The following SLC24A2 variants were observed in gnomAD, a reference collection of about 807,000 sequenced individuals.
SLC24A2 encodes solute carrier family 24 member 2.
SLC24A2 carries 36 observed loss-of-function variants against 62.0 expected under a neutral mutation model. That is an observed-to-expected ratio of 0.58 (90% CI 0.44 to 0.77). SLC24A2 has a LOEUF of 0.77. Among genes scored for constraint, SLC24A2 ranks in the 30% least tolerant of loss-of-function variants. The pLI is 0.00. For synonymous variants in SLC24A2, 358 were observed against 294.0 expected (o/e 1.22, Z -2.23); for missense variants, 846 against 817.9 (o/e 1.03, Z -0.42).
At chr9:19,610,737 C>G (rs1201287415) in intron 4 of SLC24A2, among the ~76,000 whole-genome samples, 1 of 152,226 alleles carries the variant, frequency 6.6e-6, no homozygotes, top group Non-Finnish European at 1.5e-5. Flanking sequence ...AGAGAACCAT[C>G]AAGTAAATAG....
the SLC24A2 span, among the ~76,000 whole-genome samples, chr9:20,254,638 G>C: frequency 1.3e-5 from 2 of 152,260 alleles, no homozygotes; most frequent in South Asian, 2.1e-4. Flanking sequence ...CCTAGACTAA[G>C]TCCATAGTGA....
chr9:19,973,078 C>A, the SLC24A2 span, among the ~76,000 whole-genome samples: 2 of 152,182 alleles, frequency 1.3e-5, no homozygotes, highest in Non-Finnish European at 1.5e-5. Context: ...TGGTGTGCGA[C>A]TGTAGTCCCA....
chr9:20,159,864 C>T, the SLC24A2 span, among the ~76,000 whole-genome samples: 14 of 151,434 alleles, frequency 9.2e-5, no homozygotes, highest in African/African-American at 3.4e-4. Flanking sequence ...ACAAAGAAGT[C>T]ATGCCATCTG....
the SLC24A2 span, among the ~76,000 whole-genome samples, chr9:20,033,402 G>A: frequency 1.3e-5 from 2 of 152,286 alleles, no homozygotes; most frequent in South Asian, 4.1e-4. Flanking sequence ...TACCTAATAT[G>A]CAGGACTGCT....
chr9:20,229,866 A>G, the SLC24A2 span, among the ~76,000 whole-genome samples: 1 of 151,118 alleles, frequency 6.6e-6, no homozygotes, highest in South Asian at 2.1e-4. Flanking sequence ...TATATGTCCT[A>G]ATGCCATCCC....
chr9:19,971,971 G>A, the SLC24A2 span, among the ~76,000 whole-genome samples: 1 of 152,024 alleles, frequency 6.6e-6, no homozygotes, highest in Non-Finnish European at 1.5e-5. Context: ...TTTGACTAAG[G>A]ACAAAATAAC....
intron 2 of SLC24A2, among the ~76,000 whole-genome samples, chr9:19,690,558 GAACT>G (rs1266838043): frequency 6.6e-6 from 1 of 152,116 alleles, no homozygotes; most frequent in East Asian, 1.9e-4. Context: ...CCTGAGAATA[GAACT>G]AACTGACAGA....
At chr9:19,566,881 G>C (rs924377182) in intron 7 of SLC24A2, among the ~76,000 whole-genome samples, 8 of 150,122 alleles carry the variant, frequency 5.3e-5, no homozygotes, top group African/African-American at 2.0e-4. Context: ...AACACAGCAT[G>C]TTCTCACTCA....
the SLC24A2 span, among the ~76,000 whole-genome samples, chr9:19,867,138 A>C: frequency 6.6e-6 from 1 of 152,182 alleles, no homozygotes; most frequent in Non-Finnish European, 1.5e-5. Context: ...TTATGTGACT[A>C]TTATGCATTG....
the SLC24A2 span, among the ~76,000 whole-genome samples, chr9:20,098,710 G>A: frequency 6.6e-6 from 1 of 152,316 alleles, no homozygotes; most frequent in Middle Eastern, 3.4e-3. Context: ...AAGCCTGTAT[G>A]CAAGTGATTT....
chr9:20,088,747 C>T, the SLC24A2 span, among the ~76,000 whole-genome samples: 3 of 151,764 alleles, frequency 2.0e-5, no homozygotes, highest in Non-Finnish European at 4.4e-5. Flanking sequence ...GATCCCATTC[C>T]TCCTCGTTGG....
intron 2 of SLC24A2, among the ~76,000 whole-genome samples, chr9:19,712,989 A>C (rs939117774): frequency 2.6e-5 from 4 of 152,186 alleles, no homozygotes; most frequent in Non-Finnish European, 4.4e-5. Flanking sequence ...TGCATGATTC[A>C]CTTTCTCACT....
the SLC24A2 span, among the ~76,000 whole-genome samples, chr9:20,294,541 G>T: frequency 2.0e-5 from 3 of 152,102 alleles, no homozygotes; most frequent in Non-Finnish European, 4.4e-5. Context: ...CTTCAGTTCT[G>T]CTGACTCAAT....
At chr9:19,768,556 C>T (rs970780427) in intron 2 of SLC24A2, among the ~76,000 whole-genome samples, 1 of 152,116 alleles carries the variant, frequency 6.6e-6, no homozygotes, top group Non-Finnish European at 1.5e-5. Context: ...GAGATGGCTA[C>T]TAAGTGACTA....
At chr9:19,564,207 A>AAGAT (rs141372493) in intron 7 of SLC24A2, among the ~76,000 whole-genome samples, 16,935 of 152,040 alleles carry the variant, frequency 0.11, 992 homozygotes, top group African/African-American at 0.15. Flanking sequence ...TAATAGTAGG[A>AAGAT]AGATATTTTT....
At chr9:20,298,208 T>C in the SLC24A2 span, among the ~76,000 whole-genome samples, 1 of 152,112 alleles carries the variant, frequency 6.6e-6, no homozygotes, top group Non-Finnish European at 1.5e-5. Context: ...TGTGAGGAAA[T>C]TGAGGTTCAG....
chr9:20,029,820 G>T, the SLC24A2 span, among the ~76,000 whole-genome samples: 1 of 150,478 alleles, frequency 6.6e-6, no homozygotes, highest in Admixed American at 6.6e-5. Flanking sequence ...AAGTGTGTGT[G>T]TGTCTGTGTG....
chr9:19,603,049 A>C (rs1351816706), intron 4 of SLC24A2, among the ~76,000 whole-genome samples: 1 of 152,206 alleles, frequency 6.6e-6, no homozygotes, highest in Non-Finnish European at 1.5e-5. Flanking sequence ...TATGATTTGA[A>C]TAGCAAAGAA....
At chr9:19,850,970 T>C in the SLC24A2 span, among the ~76,000 whole-genome samples, 407 of 47,166 alleles carry the variant, frequency 8.6e-3, 8 homozygotes, top group African/African-American at 0.011. Flanking sequence ...TATATATGTA[T>C]ATATATATAT....
Sources: gnomAD v4.1 joint callset for allele counts (sites outside exome capture counted in the v4.1 genomes callset) on GRCh38, gnomAD v4.1.1 for gene constraint, MANE v1.5 for transcripts, NCBI Gene and HGNC (gene_info 2026-07-23, HGNC 2026-07-21) for gene names.